Variants in SLC10A7 observed in about 807,000 individuals in gnomAD.
The protein encoded by SLC10A7 is sodium/bile acid cotransporter 7.
SLC10A7 carries 29 observed loss-of-function variants against 43.2 expected under a neutral mutation model. The ratio of observed to expected loss-of-function variants is 0.67; its 90% CI spans 0.50 to 0.92. The LOEUF (loss-of-function observed/expected upper bound fraction) is 0.92, where lower values mean the gene tolerates loss of function less well. SLC10A7 is among the 40% of genes least tolerant of loss of function. The pLI, the probability that SLC10A7 is intolerant of heterozygous loss-of-function variation, is 0.00. For missense variants in SLC10A7, 295 were observed against 403.2 expected (o/e 0.73, Z 2.30); for synonymous variants, 152 against 144.8 (o/e 1.05, Z -0.35).
chr4:146,427,459 G>T (rs1729456843), intron 5 of SLC10A7, among the ~76,000 whole-genome samples: 1 of 151,952 alleles, frequency 6.6e-6, no homozygotes, highest in African/African-American at 2.4e-5. Flanking sequence ...TTAACCTTTT[G>T]ACTTCAACAG....
chr4:146,268,682 T>C (rs1422907587), intron 10 of SLC10A7, among the ~76,000 whole-genome samples: 1 of 152,152 alleles, frequency 6.6e-6, no homozygotes, highest in African/African-American at 2.4e-5. Flanking sequence ...ATTGTTATCC[T>C]CACTTTTCAG....
At chr4:146,293,113 T>C in intron 8 of SLC10A7, 133 bp from the exon 9 acceptor site, 1 of 552,900 alleles carries the variant, frequency 1.8e-6, no homozygotes, top group Non-Finnish European at 3.1e-6. Context: ...CAAACAAGCA[T>C]GCCTTGCTAA....
intron 5 of SLC10A7, among the ~76,000 whole-genome samples, chr4:146,335,360 C>T (rs1331139773): frequency 6.6e-6 from 1 of 151,290 alleles, no homozygotes; most frequent in Non-Finnish European, 1.5e-5. Context: ...TGTCATTTCC[C>T]CTTGTCCCCA....
chr4:146,297,144 G>A (rs924466644), intron 7 of SLC10A7, among the ~76,000 whole-genome samples: 3 of 152,058 alleles, frequency 2.0e-5, no homozygotes, highest in African/African-American at 7.2e-5. Flanking sequence ...TAATTAATTT[G>A]CCCTCAGACC....
intron 5 of SLC10A7, chr4:146,442,252 T>TAC (rs576336778): frequency 3.2e-6 from 3 of 943,410 alleles, no homozygotes; most frequent in African/African-American, 1.8e-5. Flanking sequence ...TATATATATA[T>TAC]ATAGATACAA....
chr4:146,450,863 A>G (rs1731519976), intron 4 of SLC10A7, among the ~76,000 whole-genome samples: 1 of 152,148 alleles, frequency 6.6e-6, no homozygotes, highest in Non-Finnish European at 1.5e-5. Flanking sequence ...GGTCACTTCA[A>G]TAACCCAGAA....
Position 146,255,386 on chromosome 4 carries a change from A to G in SLC10A7, c.*1105T>C, listed in dbSNP as rs1727838415. On this transcript the variant is annotated 3_prime_UTR_variant, in exon 12 of 12. Coordinates refer to ENST00000335472, the MANE Select transcript of SLC10A7 (RefSeq NM_001029998.6). ...CTGGAGAGACAGAATGTGTATATGT[A>G]ACATTTGTTTGCATCCATGACCTTT... 6.6e-6 allele frequency: 1 copy of G among 152,654 alleles called. No individual in the cohort carries two copies. Among genetic ancestry groups the G allele is most frequent in the Non-Finnish European group, 1.5e-5 (1 of 68,032 alleles). The allele number at this position is 152,654 out of a possible 1,614,324, so 9.5% of individuals were successfully genotyped here. A position where few individuals can be genotyped will look rare whatever the true frequency, so the allele number is the denominator to read the frequency against.
intron 4 of SLC10A7, among the ~76,000 whole-genome samples, chr4:146,487,473 C>G (rs1398293096): frequency 6.6e-6 from 1 of 152,204 alleles, no homozygotes; most frequent in Non-Finnish European, 1.5e-5. Flanking sequence ...TAATAGTACA[C>G]TGACAGTCAT....
chr4:146,370,522 A>T (rs1736694995), intron 5 of SLC10A7, among the ~76,000 whole-genome samples: 1 of 152,174 alleles, frequency 6.6e-6, no homozygotes. Flanking sequence ...TCCTAAAGGG[A>T]GTCCCCTGAG....
intron 3 of SLC10A7, 122 bp from the exon 4 acceptor site, chr4:146,504,046 T>C: frequency 1.2e-6 from 1 of 826,902 alleles, no homozygotes. Context: ...TTGATGCACA[T>C]CCCCTGTTGA....
intron 5 of SLC10A7, among the ~76,000 whole-genome samples, chr4:146,375,599 T>C (rs1217530481): frequency 6.6e-6 from 1 of 152,198 alleles, no homozygotes; most frequent in African/African-American, 2.4e-5. Context: ...TTACAACTTA[T>C]CTCCTTTTAA....
At chr4:146,436,184 G>A (rs1730197322) in intron 5 of SLC10A7, among the ~76,000 whole-genome samples, 1 of 152,054 alleles carries the variant, frequency 6.6e-6, no homozygotes, top group Admixed American at 6.5e-5. Flanking sequence ...TGTGACTAAT[G>A]CATTTACTTG....
At chr4:146,347,472 C>A (rs574222928) in intron 5 of SLC10A7, among the ~76,000 whole-genome samples, 1 of 152,256 alleles carries the variant, frequency 6.6e-6, no homozygotes, top group African/African-American at 2.4e-5. Flanking sequence ...GTCAGCAAAA[C>A]CGAATGTTAC....
rs1046639308 is a variant in SLC10A7 at position 146,393,700 on chromosome 4, C to T, written c.435+49083G>A. The stretch of plus-strand genomic sequence containing the variant: ...AAAAGAGTTCAAGATACATTGCTAC[C>T]TATCCAACTCAAGCAGTGAATTTGG... On this transcript the variant is annotated intron_variant, in intron 5 of 11. Coordinates refer to ENST00000335472, the MANE Select transcript of SLC10A7 (RefSeq NM_001029998.6). 3.3e-5 allele frequency among the ~76,000 whole-genome samples: 5 copies of T among 152,264 alleles called. No individual in the cohort carries two copies. In the East Asian group the frequency reaches 9.6e-4, roughly 29 times the overall value.
chr4:146,441,393 G>A (rs535759075), intron 5 of SLC10A7, among the ~76,000 whole-genome samples: 13 of 152,184 alleles, frequency 8.5e-5, no homozygotes, highest in African/African-American at 2.4e-4. Context: ...CAAAGGAATC[G>A]TATATTTTGT....
chr4:146,368,038 G>A (rs745550242), intron 5 of SLC10A7, among the ~76,000 whole-genome samples: 5 of 151,978 alleles, frequency 3.3e-5, no homozygotes, highest in African/African-American at 1.2e-4. Flanking sequence ...GAACAATCCC[G>A]AAAGCTCTGT....
intron 7 of SLC10A7, among the ~76,000 whole-genome samples, chr4:146,298,083 C>T (rs1345000452): frequency 2.6e-5 from 4 of 152,208 alleles, no homozygotes; most frequent in African/African-American, 4.8e-5. Context: ...TGGAGCTACA[C>T]CGCACCTAAC....
intron 10 of SLC10A7, among the ~76,000 whole-genome samples, chr4:146,270,517 G>A (rs1327592121): frequency 6.6e-6 from 1 of 152,212 alleles, no homozygotes; most frequent in East Asian, 1.9e-4. Flanking sequence ...GGAATCACCT[G>A]GGTGGCTTCT....
chr4:146,519,098 T>A (rs1258405799), intron 1 of SLC10A7, among the ~76,000 whole-genome samples: 6 of 38,822 alleles, frequency 1.5e-4, no homozygotes, highest in Admixed American at 6.9e-4. Context: ...TATATATATA[T>A]ATATATATAT....
Sources: gnomAD v4.1 joint callset for allele counts (sites outside exome capture counted in the v4.1 genomes callset) on GRCh38, gnomAD v4.1.1 for gene constraint, MANE v1.5 for transcripts, NCBI Gene and HGNC (gene_info 2026-07-23, HGNC 2026-07-21) for gene names.